The following PI4KA variants were observed in gnomAD, a reference collection of about 807,000 sequenced individuals.
The protein encoded by PI4KA is phosphatidylinositol 4-kinase alpha.
In PI4KA, 122 loss-of-function variants were observed where a neutral mutation model predicts 271.4. The ratio of observed to expected loss-of-function variants is 0.45; its 90% CI spans 0.39 to 0.52. The LOEUF (loss-of-function observed/expected upper bound fraction) is 0.52, where lower values mean the gene tolerates loss of function less well. Among genes scored for constraint, PI4KA ranks in the 20% least tolerant of loss-of-function variants. The pLI is 0.00. For missense variants in PI4KA, 1,969 were observed against 2,769.1 expected (o/e 0.71, Z 6.48); for synonymous variants, 1,041 against 1,078.8 (o/e 0.96, Z 0.69).
At chr22:20,739,469 G>GAAAAAAA (rs5844434) in intron 32 of PI4KA, among the ~76,000 whole-genome samples, 2 of 130,552 alleles carry the variant, frequency 1.5e-5, no homozygotes. Context: ...CTGTCTTCAG[G>GAAAAAAA]AAAAAAAAAA....
At chr22:20,851,065 T>C (rs995499165) in intron 1 of PI4KA, among the ~76,000 whole-genome samples, 4 of 152,030 alleles carry the variant, frequency 2.6e-5, no homozygotes, top group Non-Finnish European at 4.4e-5. Context: ...ATTTCTATTT[T>C]TAAAAATGTC....
At chr22:20,822,797 G>A (rs953554649) in intron 4 of PI4KA, among the ~76,000 whole-genome samples, 20 of 152,140 alleles carry the variant, frequency 1.3e-4, no homozygotes, top group South Asian at 2.1e-4. Flanking sequence ...CCCAGGCAAA[G>A]AAAAAATGAA....
chr22:20,808,841 G>C (rs907475513), intron 9 of PI4KA, among the ~76,000 whole-genome samples: 12 of 151,974 alleles, frequency 7.9e-5, no homozygotes, highest in Admixed American at 3.9e-4. Flanking sequence ...ACCATGCCCA[G>C]CTAATATTAT....
chr22:20,791,540 T>G (rs941799320), intron 19 of PI4KA, among the ~76,000 whole-genome samples: 1 of 152,104 alleles, frequency 6.6e-6, no homozygotes, highest in Non-Finnish European at 1.5e-5. Flanking sequence ...GCAGATCACT[T>G]GAGCTCAGAA....
At chr22:20,736,239 G>A (rs1291347234) in intron 32 of PI4KA, among the ~76,000 whole-genome samples, 1 of 151,728 alleles carries the variant, frequency 6.6e-6, no homozygotes, top group Admixed American at 6.6e-5. Flanking sequence ...CCTATGGTGG[G>A]AGCAGCCCAG....
chr22:20,835,021 C>T (rs748846904), intron 2 of PI4KA, among the ~76,000 whole-genome samples: 1 of 152,212 alleles, frequency 6.6e-6, no homozygotes, highest in Non-Finnish European at 1.5e-5. Context: ...GCCCCAAAAC[C>T]CATCCATGAG....
chr22:20,810,964 T>C lies in PI4KA; in HGVS notation c.1071+3A>G, dbSNP rs1266313028. The C allele has an allele frequency of 3.7e-6, 6 of 1,608,824 alleles. No individual in the cohort carries two copies. Among genetic ancestry groups the C allele is most frequent in the Non-Finnish European group, 5.1e-6 (6 of 1,175,358 alleles). On this transcript the variant is annotated splice_donor_region_variant and intron_variant, in intron 9 of 54. Coordinates refer to ENST00000255882, the MANE Select transcript of PI4KA (RefSeq NM_058004.4). ...CATGGTAATGCCCTCAGAAGCGACA[T>C]ACCTCCATCACACTGGCTACAATGG...
At chr22:20,728,571 C>T (rs1440842810) in intron 39 of PI4KA, among the ~76,000 whole-genome samples, 1 of 152,218 alleles carries the variant, frequency 6.6e-6, no homozygotes, top group Non-Finnish European at 1.5e-5. Context: ...GGCACCTGGT[C>T]CATGAAGGGG....
rs191772294 is a variant in PI4KA, at chr22:20,718,464, C to T, written c.5246+229G>A. 1.8e-3 allele frequency among the ~76,000 whole-genome samples: 269 copies of T among 152,296 alleles called. 2 individuals are homozygous for T. Among genetic ancestry groups the T allele is most frequent in the African/African-American group, 5.9e-3 (247 of 41,552 alleles). On this transcript the variant is annotated intron_variant, in intron 44 of 54. Coordinates refer to ENST00000255882, the MANE Select transcript of PI4KA (RefSeq NM_058004.4). Reference sequence around the variant, plus strand: ...ACTAAGCTGTGTTTCCTGAAACTGGCGTGGCCGTGCATTCTGCCATACCTT... The same window carrying T: ...ACTAAGCTGTGTTTCCTGAAACTGGTGTGGCCGTGCATTCTGCCATACCTT...
chr22:20,765,083 G>A lies in PI4KA; in HGVS notation c.2574+17C>T, dbSNP rs1569004819. The A allele has an allele frequency of 1.9e-6, 3 of 1,606,000 alleles. No individual in the cohort carries two copies. The highest frequency in any genetic ancestry group is 4.5e-5 in the East Asian group (2 of 44,686). ...TTGGCACAGAGAGCATGGTAAAAAT[G>A]AGATGTGAATCCTTACGGGGGTGAC... is the stretch of plus-strand genomic sequence containing the variant. On this transcript the variant is annotated intron_variant, in intron 21 of 54. Coordinates refer to ENST00000255882, the MANE Select transcript of PI4KA (RefSeq NM_058004.4).
At chr22:20,823,582 T>A (rs151183431) in intron 4 of PI4KA, among the ~76,000 whole-genome samples, 1 of 152,258 alleles carries the variant, frequency 6.6e-6, no homozygotes, top group Non-Finnish European at 1.5e-5. Flanking sequence ...AACATTTCTA[T>A]CAAAATTAAC....
At position 20,858,674 on chromosome 22, in the gene PI4KA, C is replaced by T. The variant is rs1430327873; in HGVS notation, c.52G>A (p.Gly18Ser). The T allele has an allele frequency of 4.1e-6, 6 of 1,468,386 alleles. No homozygotes were observed. Among genetic ancestry groups the T allele is most frequent in the African/African-American group, 3.1e-5 (2 of 65,398 alleles). 91.0% of individuals were successfully genotyped at this position (1,468,386 alleles called of 1,614,324 possible). ...GGGGGGGGGG[G>S]CSGSGSSASR... ...GCGCTGGAGCCGGAGCCGGAGCAGC[C>T]GCCGCCGCCTCCGCCTCCGCCTCCG... Residue 18 changes from glycine to serine, a missense_variant, in exon 1 of 55, where the codon GGC becomes AGC. Physicochemically the swap from Gly to Ser is moderately conservative, Grantham distance 56. Coordinates refer to ENST00000255882, the MANE Select transcript of PI4KA (RefSeq NM_058004.4).
intron 19 of PI4KA, among the ~76,000 whole-genome samples, chr22:20,782,176 G>T (rs527246143): frequency 6.6e-6 from 1 of 152,310 alleles, no homozygotes; most frequent in African/African-American, 2.4e-5. Context: ...ACACCAAAGA[G>T]CCTCTGCATT....
intron 29 of PI4KA, among the ~76,000 whole-genome samples, chr22:20,746,187 C>G (rs1930077492): frequency 6.6e-6 from 1 of 151,154 alleles, no homozygotes; most frequent in East Asian, 2.0e-4. Flanking sequence ...CTCAGCCTCC[C>G]AAGTAGCTGG....
In PI4KA at chr22:20,798,806, CA is replaced by C; in HGVS notation, c.2005-120del. 8 of 725,114 alleles carry C rather than the reference CA, an allele frequency of 1.1e-5. No individual in the cohort carries two copies. In the South Asian group the frequency reaches 1.3e-4, roughly 12 times the overall value. The allele number at this position is 725,114 out of a possible 1,614,324, so 44.9% of individuals were successfully genotyped here. A position where few individuals can be genotyped will look rare whatever the true frequency, so the allele number is the denominator to read the frequency against. ...CACAACAGCCCAAAGACTATCAGCC[CA>C]AAGATCATCCATTTCTAAAGCTTTA... On this transcript the variant is annotated intron_variant, in intron 16 of 54. Transcript: ENST00000255882.
At chr22:20,841,972 T>C (rs1925607701) in intron 1 of PI4KA, among the ~76,000 whole-genome samples, 1 of 152,028 alleles carries the variant, frequency 6.6e-6, no homozygotes, top group South Asian at 2.1e-4. Context: ...TTCCAGCACT[T>C]TGGGAGGCTG....
chr22:20,758,724 G>A (rs1292259381), intron 23 of PI4KA, among the ~76,000 whole-genome samples: 1 of 152,134 alleles, frequency 6.6e-6, no homozygotes, highest in African/African-American at 2.4e-5. Context: ...GCATGTGTGT[G>A]AGACTCTCTG....
intron 1 of PI4KA, among the ~76,000 whole-genome samples, chr22:20,848,382 G>C (rs1349622910): frequency 2.6e-5 from 4 of 151,898 alleles, no homozygotes; most frequent in African/African-American, 7.3e-5. Context: ...GGTAATTCAA[G>C]GGACCCAGAA....
intron 3 of PI4KA, among the ~76,000 whole-genome samples, chr22:20,829,904 T>C (rs1375961843): frequency 6.6e-6 from 1 of 152,230 alleles, no homozygotes; most frequent in Non-Finnish European, 1.5e-5. Flanking sequence ...AATTTCATCA[T>C]TTACCCGAAG....
Sources: gnomAD v4.1 joint callset for allele counts (sites outside exome capture counted in the v4.1 genomes callset) on GRCh38, gnomAD v4.1.1 for gene constraint, MANE v1.5 for transcripts, NCBI Gene and HGNC (gene_info 2026-07-23, HGNC 2026-07-21) for gene names.